GRAMD4: variants seen among roughly 807,000 people sequenced by gnomAD.
The protein encoded by GRAMD4 is GRAM domain-containing protein 4.
GRAMD4 carries 25 observed loss-of-function variants against 83.9 expected under a neutral mutation model. The observed-to-expected ratio is 0.30, with a 90% confidence interval of 0.22 to 0.42. GRAMD4 has a LOEUF of 0.42. Ranked by LOEUF, GRAMD4 falls within the 10% of genes least tolerant of loss-of-function variation. The probability of loss-of-function intolerance (pLI) is 1.00; values close to 1 mark genes in which losing one functional copy is unlikely to be tolerated. For missense variants in GRAMD4, 593 were observed against 788.7 expected (o/e 0.75, Z 2.97); for synonymous variants, 336 against 320.9 (o/e 1.05, Z -0.50).
chr22:46,676,491 G>A, intron 17 of GRAMD4, 109 bp from the exon 18 acceptor site: 2 of 918,858 alleles, frequency 2.2e-6, no homozygotes, highest in Non-Finnish European at 3.4e-6. Flanking sequence ...GTGCCCGTGG[G>A]CCCTGCTGCC....
chr22:46,589,271 G>A (rs185422556), intron 1 of GRAMD4, among the ~76,000 whole-genome samples: 16 of 147,690 alleles, frequency 1.1e-4, no homozygotes, highest in Non-Finnish European at 2.1e-4. Flanking sequence ...GTTTGGGGGC[G>A]GCTCTGATAT....
chr22:46,607,077 C>A (rs1178083576), intron 1 of GRAMD4, among the ~76,000 whole-genome samples: 1 of 152,192 alleles, frequency 6.6e-6, no homozygotes, highest in Non-Finnish European at 1.5e-5. Flanking sequence ...ACTCCGACAG[C>A]CCAGTGCCCC....
At chr22:46,604,737 G>C (rs1363196673) in intron 1 of GRAMD4, among the ~76,000 whole-genome samples, 6 of 152,270 alleles carry the variant, frequency 3.9e-5, no homozygotes, top group Admixed American at 3.9e-4. Flanking sequence ...GTTCACCCAG[G>C]TTCTGGTGCC....
chr22:46,615,415 G>A (rs1168681212), upstream of GRAMD4, among the ~76,000 whole-genome samples: 1 of 103,342 alleles, frequency 9.7e-6, no homozygotes, highest in Non-Finnish European at 2.0e-5. Flanking sequence ...CTGTGCTTGT[G>A]GGTTCCCCCA....
chr22:46,653,583 T>C (rs566330203), intron 3 of GRAMD4, among the ~76,000 whole-genome samples: 1 of 152,330 alleles, frequency 6.6e-6, no homozygotes, highest in South Asian at 2.1e-4. Flanking sequence ...GCCAGTGCTC[T>C]GCCGCGTGGT....
chr22:46,626,799 C>T lies in GRAMD4; in HGVS notation c.-1C>T. ...TGAAGCAGAGGACCTCAGTGCTGAA[C>T]ATGCTAAGGAGGTTGGACAAAATCA... On this transcript the variant is annotated 5_prime_UTR_variant, in exon 2 of 19. Coordinates refer to ENST00000406902, the MANE Select transcript of GRAMD4 (RefSeq NM_015124.5). 1.2e-6 allele frequency: 2 copies of T among 1,613,726 alleles called. No individual in the cohort carries two copies. Among genetic ancestry groups the T allele is most frequent in the Non-Finnish European group, 1.7e-6 (2 of 1,179,680 alleles).
Position 46,673,697 on chromosome 22 carries a change from G to A in GRAMD4, c.1267G>A (p.Val423Ile), listed in dbSNP as rs538858016. The A allele has an allele frequency of 9.3e-6, 15 of 1,612,792 alleles. No individual in the cohort carries two copies. Among genetic ancestry groups the A allele is most frequent in the Admixed American group, 5.0e-5 (3 of 60,036 alleles). ...RLQTTSSRSY[V>I]PSAPAGLGKE... Reference sequence around the variant, plus strand: ...GCAGACGACCTCGTCACGGAGCTACGTACCCAGCGCACCGGCCGGCCTGGG... The same window carrying A: ...GCAGACGACCTCGTCACGGAGCTACATACCCAGCGCACCGGCCGGCCTGGG... Residue 423 changes from valine to isoleucine, a missense_variant, in exon 15 of 19, where the codon GTA becomes ATA. By Grantham distance (29) the Val-to-Ile change is conservative. Transcript: ENST00000406902.
rs766183515 is a variant in GRAMD4 at position 46,676,686 on chromosome 22, G to A, written c.1632+18G>A. 1 of 1,546,230 alleles carries A rather than the reference G, an allele frequency of 6.5e-7. No homozygotes were observed. The highest frequency in any genetic ancestry group is 1.2e-5 in the South Asian group (1 of 83,962). ...CCCAGAAAGTAGGTGCCGGGCGGGGGGCCGCCAAGGGGTTGGTGTGGGCCC... is the reference window on the plus strand; with the variant it reads ...CCCAGAAAGTAGGTGCCGGGCGGGGAGCCGCCAAGGGGTTGGTGTGGGCCC... On this transcript the variant is annotated intron_variant, in intron 18 of 18. Coordinates refer to ENST00000406902, the MANE Select transcript of GRAMD4 (RefSeq NM_015124.5).
At position 46,612,346 on chromosome 22, in the gene GRAMD4, T is replaced by C. The variant is rs149776714; in HGVS notation, c.-49-14405T>C. ...TATTGTTACTGTTACTGTGGTTTCC[T>C]GACCATGGATGCTGTGCTGTGGACC... is the stretch of plus-strand genomic sequence containing the variant. On this transcript the variant is annotated intron_variant, in intron 1 of 1. Coordinates refer to the GRAMD4 transcript ENST00000431155. Among the ~76,000 whole-genome samples the C allele has an allele frequency of 2.1e-3, 317 of 152,330 alleles. 2 individuals carry two copies. The highest frequency in any genetic ancestry group is 7.1e-3 in the African/African-American group (296 of 41,578).
chr22:46,648,843 G>GATGC (rs1569288417), intron 3 of GRAMD4, among the ~76,000 whole-genome samples: 1 of 137,178 alleles, frequency 7.3e-6, no homozygotes, highest in Non-Finnish European at 1.6e-5. Context: ...TGGATGGATG[G>GATGC]ATGCATGGAT....
chr22:46,653,521 T>C (rs2147302125), intron 3 of GRAMD4, among the ~76,000 whole-genome samples: 1 of 152,324 alleles, frequency 6.6e-6, no homozygotes, highest in African/African-American at 2.4e-5. Flanking sequence ...CGTGTCCGCA[T>C]CCATCCACAT....
At chr22:46,593,734 A>AT (rs1307698913) in intron 1 of GRAMD4, among the ~76,000 whole-genome samples, 2 of 151,356 alleles carry the variant, frequency 1.3e-5, no homozygotes, top group African/African-American at 4.9e-5. Context: ...ATTTTTATTT[A>AT]TTTTTTTGAG....
At chr22:46,614,717 A>T (rs913928669) in intron 1 of GRAMD4, among the ~76,000 whole-genome samples, 6 of 152,024 alleles carry the variant, frequency 3.9e-5, no homozygotes, top group Non-Finnish European at 8.8e-5. Flanking sequence ...ATTTGCAGAT[A>T]CGTGCCGCAG....
intron 4 of GRAMD4, 148 bp downstream of exon 4, chr22:46,658,455 TCTGA>T (rs1468808772): frequency 1.3e-6 from 1 of 747,748 alleles, no homozygotes; most frequent in African/African-American, 1.8e-5. Flanking sequence ...TGGGCCCGGC[TCTGA>T]CTGCCCAGGT....
intron 14 of GRAMD4, 60 bp from the exon 15 acceptor site, chr22:46,673,610 C>T: frequency 6.3e-7 from 1 of 1,579,198 alleles, no homozygotes; most frequent in Non-Finnish European, 8.6e-7. Context: ...GCGGCCAGCA[C>T]ATCTGGGTGC....
intron 1 of GRAMD4, among the ~76,000 whole-genome samples, chr22:46,578,662 G>A (rs2081068611): frequency 6.6e-6 from 1 of 152,114 alleles, no homozygotes; most frequent in South Asian, 2.1e-4. Flanking sequence ...GTGTTCAGTT[G>A]CTGCCTCTGC....
chr22:46,677,514 GGCCCTC>G lies in GRAMD4; in HGVS notation c.*265_*270del, dbSNP rs1241208234. 1 of 1,226,618 alleles carries G rather than the reference GGCCCTC, an allele frequency of 8.2e-7. No individual in the cohort carries two copies. Among genetic ancestry groups the G allele is most frequent in the African/African-American group, 1.5e-5 (1 of 65,574 alleles). The allele number at this position is 1,226,618 out of a possible 1,614,324, so 76.0% of individuals were successfully genotyped here. On this transcript the variant is annotated 3_prime_UTR_variant, in exon 19 of 19. Coordinates refer to ENST00000406902, the MANE Select transcript of GRAMD4 (RefSeq NM_015124.5). The stretch of plus-strand genomic sequence containing the variant: ...CCCGCAGACTGGGGGAGGGGGCAGA[GGCCCTC>G]GGGGGCCCGTGGAGAAGACACACAG...
chr22:46,606,813 T>C (rs149306057), intron 1 of GRAMD4, among the ~76,000 whole-genome samples: 1,767 of 152,380 alleles, frequency 0.012, 22 homozygotes, highest in Non-Finnish European at 0.02. Context: ...CTTGGGCGAA[T>C]GGTGCTGCTG....
chr22:46,579,872 G>C (rs1444268559), intron 1 of GRAMD4, among the ~76,000 whole-genome samples: 3 of 152,156 alleles, frequency 2.0e-5, no homozygotes, highest in Non-Finnish European at 4.4e-5. Flanking sequence ...CTGTGTGTCA[G>C]GTTTGGGGTC....
Sources: gnomAD v4.1 joint callset for allele counts (sites outside exome capture counted in the v4.1 genomes callset) on GRCh38, gnomAD v4.1.1 for gene constraint, MANE v1.5 for transcripts, NCBI Gene and HGNC (gene_info 2026-07-23, HGNC 2026-07-21) for gene names.